GRB10: variants seen among roughly 807,000 people sequenced by gnomAD.
The protein encoded by GRB10 is growth factor receptor bound protein 10.
Under a neutral mutation model 80.9 loss-of-function variants are expected in GRB10, and 20 were observed. The ratio of observed to expected loss-of-function variants is 0.25; its 90% confidence interval spans 0.17 to 0.36. GRB10 has a LOEUF of 0.36. GRB10 is among the 10% of genes least tolerant of loss of function. The probability of loss-of-function intolerance (pLI) is 1.00; values close to 1 mark genes in which losing one functional copy is unlikely to be tolerated. For synonymous variants in GRB10, 291 were observed against 291.5 expected (o/e 1.00, Z 0.02); for missense variants, 548 against 747.7 (o/e 0.73, Z 3.12).
intron 6 of GRB10, among the ~76,000 whole-genome samples, chr7:50,672,105 T>C (rs927429568): frequency 2.0e-5 from 3 of 152,222 alleles, no homozygotes; most frequent in Non-Finnish European, 4.4e-5. Flanking sequence ...CCCATCGGCT[T>C]TCCTATGTGC....
At position 50,674,475 on chromosome 7, in the gene GRB10, C is replaced by G. The variant is rs2060699328; in HGVS notation, c.323G>C (p.Arg108Thr). Residue 108 changes from arginine to threonine, a missense_variant, in exon 6 of 19, where the codon AGG (arginine) becomes ACG (threonine). Around this residue, in one of 4 missense-constraint regions of GRB10, gnomAD observed 245 missense variants for 229.3 expected, o/e 1.07. Coordinates refer to ENST00000401949, the MANE Select transcript of GRB10 (RefSeq NM_001350814.2). ...SIQPQVSPRQ[R>T]VQRSQPVHIL... is the part of the protein sequence containing the mutation. ...GTGCACAGGCTGGGAGCGCTGCACC[C>G]TCTGCCTCGGGGACACCTGTGGCTG... The G allele has an allele frequency of 6.2e-7, 1 of 1,607,822 alleles. No homozygotes were observed. Among genetic ancestry groups the G allele is most frequent in the African/African-American group, 1.3e-5 (1 of 74,922 alleles).
At chr7:50,748,622 T>C (rs2073454856) in intron 3 of GRB10, among the ~76,000 whole-genome samples, 2 of 152,192 alleles carry the variant, frequency 1.3e-5, no homozygotes, top group South Asian at 4.1e-4. Flanking sequence ...TTCCTTCTCA[T>C]TCTTCCTAAC....
At chr7:50,721,596 T>C (rs80224295) in intron 4 of GRB10, among the ~76,000 whole-genome samples, 3,437 of 152,306 alleles carry the variant, frequency 0.023, 151 homozygotes, top group African/African-American at 0.079. Flanking sequence ...CCCGGTCTGT[T>C]AGCTCTTGTC....
At chr7:50,601,123 A>ATG (rs1223837782) in intron 17 of GRB10, among the ~76,000 whole-genome samples, 3 of 152,272 alleles carry the variant, frequency 2.0e-5, no homozygotes, top group Admixed American at 2.0e-4. Context: ...GGAACTGCGC[A>ATG]GCGCAGTACT....
chr7:50,734,471 C>G (rs575461008), intron 3 of GRB10, among the ~76,000 whole-genome samples: 1 of 152,170 alleles, frequency 6.6e-6, no homozygotes, highest in African/African-American at 2.4e-5. Flanking sequence ...CCCCCACGCA[C>G]GCCGCACGCC....
At chr7:50,717,279 C>G (rs180955798) in intron 4 of GRB10, among the ~76,000 whole-genome samples, 22 of 152,316 alleles carry the variant, frequency 1.4e-4, no homozygotes, top group Admixed American at 1.2e-3. Context: ...CCTACTCTTA[C>G]GTACTTGAAA....
At chr7:50,637,571 T>A (rs1204651004) in intron 7 of GRB10, among the ~76,000 whole-genome samples, 2 of 152,038 alleles carry the variant, frequency 1.3e-5, no homozygotes, top group Non-Finnish European at 2.9e-5. Flanking sequence ...TGGAAACACA[T>A]CTCATGCTCA....
At chr7:50,754,543 A>G (rs1448085751) in intron 3 of GRB10, among the ~76,000 whole-genome samples, 1 of 152,230 alleles carries the variant, frequency 6.6e-6, no homozygotes, top group African/African-American at 2.4e-5. Flanking sequence ...ACTCTCAGAA[A>G]AAAAGCAACG....
At chr7:50,674,346 C>T (rs754961838) in intron 6 of GRB10, 90 bp downstream of exon 6, 1 of 1,269,090 alleles carries the variant, frequency 7.9e-7, no homozygotes, top group Non-Finnish European at 1.1e-6. Context: ...AACACTATTC[C>T]CCCCAACACC....
intron 6 of GRB10, 127 bp downstream of exon 6, chr7:50,674,308 TG>T: frequency 1.1e-6 from 1 of 907,446 alleles, no homozygotes; most frequent in Admixed American, 2.0e-5. Context: ...ATCAAAGCAA[TG>T]TATCTGCCTC....
chr7:50,764,640 G>A (rs28495293), intron 2 of GRB10, among the ~76,000 whole-genome samples: 9,565 of 152,184 alleles, frequency 0.063, 1,009 homozygotes, highest in African/African-American at 0.22. Flanking sequence ...GCTGGGGTGG[G>A]GGCAGCCTGC....
At chr7:50,720,000 T>C (rs1183644024) in intron 4 of GRB10, among the ~76,000 whole-genome samples, 1 of 152,108 alleles carries the variant, frequency 6.6e-6, no homozygotes, top group Non-Finnish European at 1.5e-5. Context: ...GCTGAAATCC[T>C]TCACAGAACT....
At chr7:50,705,595 CTATT>C (rs1203000984) in intron 4 of GRB10, among the ~76,000 whole-genome samples, 1 of 152,196 alleles carries the variant, frequency 6.6e-6, no homozygotes, top group African/African-American at 2.4e-5. Context: ...CATGCATACT[CTATT>C]TGAGTCACAT....
At chr7:50,640,136 G>C (rs2055953032) in intron 7 of GRB10, among the ~76,000 whole-genome samples, 1 of 152,166 alleles carries the variant, frequency 6.6e-6, no homozygotes, top group Admixed American at 6.5e-5. Context: ...GGCCCTCTTG[G>C]AGCTACTGTC....
intron 3 of GRB10, among the ~76,000 whole-genome samples, chr7:50,745,282 G>A (rs1329903404): frequency 6.6e-6 from 1 of 152,036 alleles, no homozygotes; most frequent in Non-Finnish European, 1.5e-5. Context: ...AGAACTTATT[G>A]TTCTCTGATA....
chr7:50,660,422 G>A (rs2059139151), intron 7 of GRB10, among the ~76,000 whole-genome samples: 3 of 152,194 alleles, frequency 2.0e-5, no homozygotes, highest in Non-Finnish European at 2.9e-5. Flanking sequence ...GGCAAGAGGG[G>A]AGGCAGCCGT....
chr7:50,604,356 T>C lies in GRB10; in HGVS notation c.1411A>G (p.Ile471Val). 3.1e-6 allele frequency: 5 copies of C among 1,613,378 alleles called. No homozygotes were observed. Among genetic ancestry groups the C allele is most frequent in the Non-Finnish European group, 3.4e-6 (4 of 1,179,834 alleles). The change falls in exon 16 of 19, where the codon ATC becomes GTC. Residue 471 changes from isoleucine (I) to valine (V), a missense_variant. Ile to Val is a conservative substitution (Grantham distance 29). This residue lies in a region of GRB10 where 270 missense variants were observed against 433.6 expected (regional missense o/e 0.62). Transcript: ENST00000401949. Reference protein sequence around the residue: ...AWRKRSTRMNILGSQSPLHPS... With the variant: ...AWRKRSTRMNVLGSQSPLHPS... Reference sequence around the variant, plus strand: ...TGGAGGGGACTTTGGCTACCTAGGATGTTCATCCGTGTGCTTCGCTTCTGC... The same window carrying C: ...TGGAGGGGACTTTGGCTACCTAGGACGTTCATCCGTGTGCTTCGCTTCTGC...
chr7:50,716,439 G>A (rs1442519701), intron 4 of GRB10, among the ~76,000 whole-genome samples: 1 of 152,038 alleles, frequency 6.6e-6, no homozygotes, highest in East Asian at 1.9e-4. Flanking sequence ...GACTGGGATC[G>A]AAACAAAAAG....
chr7:50,667,996 C>T (rs371116499), intron 7 of GRB10, among the ~76,000 whole-genome samples: 1 of 152,188 alleles, frequency 6.6e-6, no homozygotes, highest in East Asian at 1.9e-4. Flanking sequence ...CCACAGACAG[C>T]TTGTCTGGAT....
Sources: allele counts gnomAD v4.1 joint callset (sites outside exome capture counted in the v4.1 genomes callset), GRCh38; gene constraint gnomAD v4.1.1; regional missense constraint gnomAD v4.1.1; transcripts MANE v1.5; gene names NCBI Gene and HGNC (gene_info 2026-07-23, HGNC 2026-07-21).